Variants in UGT1A9 observed in about 807,000 individuals in gnomAD.
UGT1A9 encodes the protein UDP glucuronosyltransferase family 1 member A9.
Under a neutral mutation model 45.0 loss-of-function variants are expected in UGT1A9, and 35 were observed. That is an observed-to-expected ratio of 0.78 (90% CI 0.59 to 1.03). The LOEUF (loss-of-function observed/expected upper bound fraction) is 1.03. Among genes scored for constraint, UGT1A9 ranks in the 50% least tolerant of loss-of-function variants. UGT1A9 has a pLI of 0.00. For synonymous variants in UGT1A9, 278 were observed against 250.6 expected (o/e 1.11, Z -1.03); for missense variants, 687 against 666.6 (o/e 1.03, Z -0.34).
chr2:233,682,054 CA>C, intron 1 of UGT1A9: 3 of 1,614,100 alleles, frequency 1.9e-6, no homozygotes, highest in Non-Finnish European at 2.5e-6. Context: ...GCCACTGGTT[CA>C]CCATGCAGTC....
intron 1 of UGT1A9, among the ~76,000 whole-genome samples, chr2:233,724,565 G>A (rs1428948283): frequency 3.9e-5 from 5 of 129,268 alleles, no homozygotes; most frequent in Non-Finnish European, 6.5e-5. Context: ...CAGATGGGGC[G>A]GCGGGGCAGA....
intron 1 of UGT1A9, among the ~76,000 whole-genome samples, chr2:233,762,041 G>A (rs938298957): frequency 3.3e-5 from 5 of 152,004 alleles, no homozygotes; most frequent in Non-Finnish European, 7.4e-5. Context: ...TTAATTTTCT[G>A]TGCATTTTCC....
intron 1 of UGT1A9, among the ~76,000 whole-genome samples, chr2:233,706,103 A>C (rs564369770): frequency 1.5e-4 from 23 of 152,178 alleles, no homozygotes; most frequent in South Asian, 4.2e-4. Context: ...TTAAAAAAAA[A>C]CCAAGAATTT....
Position 233,760,454 on chromosome 2 carries a change from A to C in UGT1A9, c.856-6580A>C, listed in dbSNP as rs140365717. 64 of 1,614,102 alleles carry C rather than the reference A, an allele frequency of 4.0e-5. No homozygotes were observed. The highest frequency in any genetic ancestry group is 5.0e-5 in the Non-Finnish European group (59 of 1,180,050). On this transcript the variant is annotated intron_variant, in intron 1 of 4. Coordinates refer to ENST00000354728, the MANE Select transcript of UGT1A9 (RefSeq NM_021027.3). Reference sequence around the variant, plus strand: ...CAGCAGCTGCAGCAGAGGGGACATGAAATAGTTGTCCTAGCACCTGACGCC... The same window carrying C: ...CAGCAGCTGCAGCAGAGGGGACATGCAATAGTTGTCCTAGCACCTGACGCC...
At chr2:233,683,966 G>A (rs2074657666) in intron 1 of UGT1A9, among the ~76,000 whole-genome samples, 1 of 152,090 alleles carries the variant, frequency 6.6e-6, no homozygotes, top group Non-Finnish European at 1.5e-5. Flanking sequence ...ATTAGGATTT[G>A]GTCACTTGCA....
At chr2:233,764,342 C>T (rs1016981784) in intron 1 of UGT1A9, among the ~76,000 whole-genome samples, 3 of 152,154 alleles carry the variant, frequency 2.0e-5, no homozygotes, top group Admixed American at 1.3e-4. Context: ...ATGGACTTCA[C>T]CTTTATTGAG....
At chr2:233,703,946 A>G (rs2075760296) in intron 1 of UGT1A9, among the ~76,000 whole-genome samples, 1 of 151,552 alleles carries the variant, frequency 6.6e-6, no homozygotes. Flanking sequence ...ACTGGAGTGC[A>G]GTGGTGTGAT....
intron 1 of UGT1A9, among the ~76,000 whole-genome samples, chr2:233,673,533 T>A (rs539148752): frequency 6.6e-6 from 1 of 152,162 alleles, no homozygotes; most frequent in African/African-American, 2.4e-5. Context: ...AGGATTTCCA[T>A]GAATTGAGAA....
intron 1 of UGT1A9, chr2:233,691,645 G>C: frequency 2.0e-6 from 2 of 985,472 alleles, no homozygotes; most frequent in South Asian, 4.7e-5. Context: ...GGCAGGGCCA[G>C]TGTGACCCTC....
In UGT1A9 at chr2:233,756,536, G is replaced by A. The variant is rs1381058944; in HGVS notation, c.856-10498G>A. Reference sequence around the variant, plus strand: ...AATGTGCATGTTATTCACTTTTCTTGACTGCTAAAACAACCAGGGAGATCC... The same window carrying A: ...AATGTGCATGTTATTCACTTTTCTTAACTGCTAAAACAACCAGGGAGATCC... On this transcript the variant is annotated intron_variant, in intron 1 of 4. Coordinates refer to ENST00000354728, the MANE Select transcript of UGT1A9 (RefSeq NM_021027.3). 2.0e-5 allele frequency among the ~76,000 whole-genome samples: 3 copies of A among 151,924 alleles called. No individual in the cohort carries two copies. The East Asian group carries it at 5.8e-4, about 29-fold the overall frequency.
chr2:233,762,916 A>T (rs1698195607), intron 1 of UGT1A9, among the ~76,000 whole-genome samples: 1 of 152,252 alleles, frequency 6.6e-6, no homozygotes, highest in African/African-American at 2.4e-5. Context: ...TATTGAATTT[A>T]TTAGAATCTC....
rs71398794 is a variant in UGT1A9, at chr2:233,687,583, TAA to T, written c.855+14817_855+14818del. ...AGAATTCAAGACCATACATTCTTTG[TAA>T]AAAAAAAAAAAAAAAAAAAAAAGGA... On this transcript the variant is annotated intron_variant, in intron 1 of 4. Coordinates refer to ENST00000354728, the MANE Select transcript of UGT1A9 (RefSeq NM_021027.3). Among the ~76,000 whole-genome samples, 1,070 of 107,386 alleles carry T rather than the reference TAA, an allele frequency of 1.0e-2. 22 individuals are homozygous for T. The highest frequency in any genetic ancestry group is 0.033 in the African/African-American group (983 of 29,662). 70.4% of individuals were successfully genotyped at this position (107,386 alleles called of 152,430 possible).
chr2:233,724,157 G>A (rs1410071236), intron 1 of UGT1A9, among the ~76,000 whole-genome samples: 2 of 119,956 alleles, frequency 1.7e-5, no homozygotes, highest in African/African-American at 7.4e-5. Flanking sequence ...GCCGGGTGGG[G>A]GGGCTGACCC....
rs1472432556 is a variant in UGT1A9, at chr2:233,672,285, T to A, written c.351T>A (p.Phe117Leu). ...TAATGGGTTCATACAATGACATTTTTGACTTATTTTTTTCAAATTGCAGGA... is the reference window on the plus strand; with the variant it reads ...TAATGGGTTCATACAATGACATTTTAGACTTATTTTTTTCAAATTGCAGGA... ...SLLMGSYNDIFDLFFSNCRSL... is the reference protein window; with the variant it reads ...SLLMGSYNDILDLFFSNCRSL... The change falls in exon 1 of 5, where the codon TTT becomes TTA. Residue 117 changes from phenylalanine to leucine, a missense_variant. Transcript: ENST00000354728. The A allele has an allele frequency of 6.2e-7, 1 of 1,613,764 alleles. No individual in the cohort carries two copies. Among genetic ancestry groups the A allele is most frequent in the Non-Finnish European group, 8.5e-7 (1 of 1,179,842 alleles).
chr2:233,742,169 GAA>G (rs2125841424), intron 1 of UGT1A9, among the ~76,000 whole-genome samples: 1 of 152,048 alleles, frequency 6.6e-6, no homozygotes, highest in East Asian at 1.9e-4. Context: ...CACACACACA[GAA>G]ATATAGAGTG....
chr2:233,748,442 C>T (rs1311049302), intron 1 of UGT1A9, among the ~76,000 whole-genome samples: 3 of 151,720 alleles, frequency 2.0e-5, no homozygotes, highest in Non-Finnish European at 2.9e-5. Flanking sequence ...TTTGTTTGCA[C>T]AATTTTCAGG....
At chr2:233,705,180 T>G (rs1217775980) in intron 1 of UGT1A9, among the ~76,000 whole-genome samples, 1 of 151,938 alleles carries the variant, frequency 6.6e-6, no homozygotes, top group East Asian at 1.9e-4. Context: ...AGGGGAAGTA[T>G]GCATTGGTAC....
At chr2:233,749,821 C>T (rs1469380104) in intron 1 of UGT1A9, among the ~76,000 whole-genome samples, 1 of 151,926 alleles carries the variant, frequency 6.6e-6, no homozygotes, top group African/African-American at 2.4e-5. Context: ...TCCTCTTTCT[C>T]TCTTTCATGT....
intron 1 of UGT1A9, among the ~76,000 whole-genome samples, chr2:233,749,749 G>C (rs1286332209): frequency 2.0e-5 from 3 of 151,910 alleles, no homozygotes; most frequent in Non-Finnish European, 2.9e-5. Context: ...ATCATAGTGA[G>C]TGAGTTCTTA....
Sources: allele counts gnomAD v4.1 joint callset (sites outside exome capture counted in the v4.1 genomes callset), GRCh38; gene constraint gnomAD v4.1.1; transcripts MANE v1.5; gene names NCBI Gene and HGNC (gene_info 2026-07-23, HGNC 2026-07-21).